Variants in CEP192 observed in about 807,000 individuals in gnomAD.
The protein encoded by CEP192 is centrosomal protein of 192 kDa.
A neutral mutation model predicts 271.8 loss-of-function variants in CEP192; 151 were observed. That is an observed-to-expected ratio of 0.56 (90% CI 0.49 to 0.64). The LOEUF is 0.64. Among genes scored for constraint, CEP192 ranks in the 30% least tolerant of loss-of-function variants. The pLI is 0.00. For missense variants in CEP192, 2,910 were observed against 3,020.5 expected (o/e 0.96, Z 0.86); for synonymous variants, 995 against 1,076.5 (o/e 0.92, Z 1.48).
chr18:12,997,790 T>C (rs1014461857), intron 1 of CEP192, among the ~76,000 whole-genome samples: 1 of 152,174 alleles, frequency 6.6e-6, no homozygotes, highest in African/African-American at 2.4e-5. Context: ...AGGGGCGCAA[T>C]CTCGGCTCAC....
At chr18:13,070,252 G>A (rs559523316) in intron 27 of CEP192, among the ~76,000 whole-genome samples, 6 of 152,194 alleles carry the variant, frequency 3.9e-5, no homozygotes, top group South Asian at 4.1e-4. Flanking sequence ...GACAAAGTCC[G>A]TATATTTCTT....
At chr18:12,994,563 G>A (rs2033094361) in intron 1 of CEP192, among the ~76,000 whole-genome samples, 1 of 152,092 alleles carries the variant, frequency 6.6e-6, no homozygotes, top group Non-Finnish European at 1.5e-5. Context: ...ATGGAAAAGG[G>A]TGAGGAGGCT....
chr18:13,047,150 A>G (rs2036527415), intron 15 of CEP192, among the ~76,000 whole-genome samples: 1 of 152,086 alleles, frequency 6.6e-6, no homozygotes, highest in African/African-American at 2.4e-5. Flanking sequence ...TCCAGACTGG[A>G]TTTATGTCTG....
intron 1 of CEP192, among the ~76,000 whole-genome samples, chr18:12,997,770 GCTGA>G (rs1479032797): frequency 3.3e-5 from 5 of 152,114 alleles, no homozygotes; most frequent in African/African-American, 4.8e-5. Context: ...CATCACCCAG[GCTGA>G]AGTACAGGGG....
rs768565025 is a variant in CEP192, at chr18:13,087,065, G to A, written c.5665G>A (p.Val1889Ile). Residue 1889 changes from valine to isoleucine, a missense_variant, in exon 31 of 45, where the codon GTT (valine) becomes ATT (isoleucine). By Grantham distance (29) the Val-to-Ile change is conservative. Coordinates refer to ENST00000506447, the MANE Select transcript of CEP192 (RefSeq NM_032142.4). ...AACAAGCAATCTTATTTTGGAAGGCGTTAAAAAATTATCTGACAGTTACAT... is the reference window on the plus strand; with the variant it reads ...AACAAGCAATCTTATTTTGGAAGGCATTAAAAAATTATCTGACAGTTACAT... The part of the protein sequence containing the change: ...GGTSNLILEG[V>I]KKLSDSYMVT... The A allele has an allele frequency of 5.0e-6, 8 of 1,612,702 alleles. No individual in the cohort carries two copies. The highest frequency in any genetic ancestry group is 2.2e-5 in the East Asian group (1 of 44,874).
rs1369665031 is a variant in CEP192 at position 13,029,783 on chromosome 18, A to G, written c.1171A>G (p.Lys391Glu). Residue 391 changes from lysine (K) to glutamate (E), a missense_variant, in exon 10 of 45, where the codon AAA becomes GAA. Coordinates refer to ENST00000506447, the MANE Select transcript of CEP192 (RefSeq NM_032142.4). Reference sequence around the variant, plus strand: ...TGGTTTTGATCTGACTGACCCTGTAAAACAGGGGGCAGAGTGTCCTCACCA... The same window carrying G: ...TGGTTTTGATCTGACTGACCCTGTAGAACAGGGGGCAGAGTGTCCTCACCA... Reference protein sequence around the residue: ...RGGFDLTDPVKQGAECPHQNK... With the variant: ...RGGFDLTDPVEQGAECPHQNK... 1 of 1,551,496 alleles carries G rather than the reference A, an allele frequency of 6.4e-7. No homozygotes were observed. The highest frequency in any genetic ancestry group is 1.4e-5 in the African/African-American group (1 of 73,150).
chr18:13,121,652 G>T (rs1262583872), intron 44 of CEP192, among the ~76,000 whole-genome samples: 1 of 152,178 alleles, frequency 6.6e-6, no homozygotes, highest in East Asian at 1.9e-4. Flanking sequence ...AAGAATTTAT[G>T]TTTCTACTTA....
intron 1 of CEP192, among the ~76,000 whole-genome samples, chr18:12,994,344 G>A (rs1399504668): frequency 6.6e-6 from 1 of 152,008 alleles, no homozygotes; most frequent in Non-Finnish European, 1.5e-5. Context: ...AAAGATCTGG[G>A]AGAAGAATAT....
Position 13,095,701 on chromosome 18 carries a change from C to T in CEP192, c.6433+20C>T. 6.2e-7 allele frequency: 1 copy of T among 1,609,036 alleles called. No individual in the cohort carries two copies. Among genetic ancestry groups the T allele is most frequent in the Non-Finnish European group, 8.5e-7 (1 of 1,177,084 alleles). ...CTCCTTGTGAGTATGTCAACTGTGA[C>T]ACCTCAGAGGTGTGTTCCGGCGTCC... On this transcript the variant is annotated intron_variant, in intron 35 of 44. Coordinates refer to ENST00000506447, the MANE Select transcript of CEP192 (RefSeq NM_032142.4).
intron 15 of CEP192, among the ~76,000 whole-genome samples, chr18:13,047,282 A>C (rs1296040298): frequency 1.3e-5 from 2 of 152,076 alleles, no homozygotes; most frequent in Non-Finnish European, 2.9e-5. Context: ...GTTTACCTTT[A>C]CTGCTGGGGT....
At chr18:13,099,254 A>G (rs1490141744) in intron 36 of CEP192, among the ~76,000 whole-genome samples, 1 of 151,932 alleles carries the variant, frequency 6.6e-6, no homozygotes, top group Non-Finnish European at 1.5e-5. Context: ...CCCTTGCGTC[A>G]TGGGTTCATG....
At chr18:13,069,999 A>G in intron 27 of CEP192, 143 bp downstream of exon 27, 1 of 546,164 alleles carries the variant, frequency 1.8e-6, no homozygotes, top group Non-Finnish European at 3.3e-6. Flanking sequence ...TGTCTCTACT[A>G]AAAATACAAA....
At chr18:13,013,780 T>G (rs1249577573) in intron 5 of CEP192, among the ~76,000 whole-genome samples, 2 of 152,228 alleles carry the variant, frequency 1.3e-5, no homozygotes, top group Non-Finnish European at 2.9e-5. Context: ...CATGAATTTA[T>G]GAGACTTACT....
Position 13,119,102 on chromosome 18 carries a change from C to T in CEP192, c.7475+1459C>T, listed in dbSNP as rs193189333. 8.7e-4 allele frequency among the ~76,000 whole-genome samples: 132 copies of T among 152,284 alleles called. 1 individual carries two copies. Among genetic ancestry groups the T allele is most frequent in the Non-Finnish European group, 1.4e-3 (98 of 68,026 alleles). On this transcript the variant is annotated intron_variant, in intron 44 of 44. Coordinates refer to ENST00000506447, the MANE Select transcript of CEP192 (RefSeq NM_032142.4). ...TAGTGTGCGTAATAATAGGTTGGAA[C>T]TACTAAAATACATGGTAGCACAACT...
chr18:13,001,051 G>A (rs1250098924), intron 2 of CEP192, among the ~76,000 whole-genome samples: 2 of 152,158 alleles, frequency 1.3e-5, no homozygotes, highest in Non-Finnish European at 2.9e-5. Context: ...ACCTTGTTTT[G>A]TATCTTCAAC....
At position 13,092,494 on chromosome 18, in the gene CEP192, A is replaced by G; in HGVS notation, c.6221A>G (p.Gln2074Arg). The part of the protein sequence containing the change: ...RDCISSREFL[Q>R]PSSKASLEST... The stretch of plus-strand genomic sequence containing the variant: ...TGCATTTCTAGCAGAGAATTCCTTC[A>G]GCCTTCTTCCAAAGCTAGCTTGGAA... Residue 2074 changes from glutamine (Q) to arginine (R), a missense_variant, in exon 34 of 45, where the codon CAG (glutamine) becomes CGG (arginine). Physicochemically the swap from Gln to Arg is conservative, Grantham distance 43. Transcript: ENST00000506447. The G allele has an allele frequency of 6.2e-7, 1 of 1,609,062 alleles. No homozygotes were observed. The highest frequency in any genetic ancestry group is 8.5e-7 in the Non-Finnish European group (1 of 1,178,070).
chr18:12,997,441 A>G (rs1392280018), intron 1 of CEP192, among the ~76,000 whole-genome samples: 3 of 152,186 alleles, frequency 2.0e-5, no homozygotes, highest in Non-Finnish European at 2.9e-5. Context: ...TAATTGAGAC[A>G]TGCATTATAT....
At chr18:13,096,679 A>G (rs1208582362) in intron 36 of CEP192, among the ~76,000 whole-genome samples, 6 of 152,220 alleles carry the variant, frequency 3.9e-5, no homozygotes, top group Non-Finnish European at 5.9e-5. Flanking sequence ...CCCGAGCCCA[A>G]ACACTTCTGC....
At chr18:13,065,824 A>G (rs1397598405) in intron 21 of CEP192, among the ~76,000 whole-genome samples, 1 of 152,226 alleles carries the variant, frequency 6.6e-6, no homozygotes, top group Non-Finnish European at 1.5e-5. Flanking sequence ...TGGGGGTACT[A>G]CAGGGTTGGC....
Sources: gnomAD v4.1 joint callset for allele counts (sites outside exome capture counted in the v4.1 genomes callset) on GRCh38, gnomAD v4.1.1 for gene constraint, MANE v1.5 for transcripts, NCBI Gene and HGNC (gene_info 2026-07-23, HGNC 2026-07-21) for gene names.